LOC400499: variants seen among roughly 807,000 people sequenced by gnomAD.
At chr16:11,480,919 C>T in the LOC400499 span, among the ~76,000 whole-genome samples, 1 of 152,226 alleles carries the variant, frequency 6.6e-6, no homozygotes, top group Non-Finnish European at 1.5e-5. Context: ...AGGAGCAGCA[C>T]TATTCAGTCT....
At chr16:11,483,708 T>TAA in the LOC400499 span, among the ~76,000 whole-genome samples, 439 of 145,254 alleles carry the variant, frequency 3.0e-3, 5 homozygotes, top group African/African-American at 6.2e-3. Flanking sequence ...TGTACAACTT[T>TAA]TAAAAAAAAA....
chr16:11,450,196 C>A, the LOC400499 span, among the ~76,000 whole-genome samples: 1 of 152,250 alleles, frequency 6.6e-6, no homozygotes, highest in African/African-American at 2.4e-5. Context: ...GCTTTTCTCC[C>A]AAACCTGTTC....
chr16:11,502,366 C>T, the LOC400499 span, among the ~76,000 whole-genome samples: 1 of 152,190 alleles, frequency 6.6e-6, no homozygotes, highest in Non-Finnish European at 1.5e-5. Context: ...CACTGCACCC[C>T]AAGCCCCTAC....
At chr16:11,390,393 C>T in the LOC400499 span, 3 of 1,240,572 alleles carry the variant, frequency 2.4e-6, no homozygotes, top group Admixed American at 4.1e-5. Flanking sequence ...CCTCTGCTCG[C>T]TCCCGCCACA....
chr16:11,525,556 A>T, the LOC400499 span, among the ~76,000 whole-genome samples: 1 of 152,098 alleles, frequency 6.6e-6, no homozygotes, highest in African/African-American at 2.4e-5. Flanking sequence ...CTCTTTGATC[A>T]CTCGGACACT....
At chr16:11,424,708 T>C in the LOC400499 span, among the ~76,000 whole-genome samples, 14 of 152,086 alleles carry the variant, frequency 9.2e-5, no homozygotes, top group Admixed American at 7.9e-4. Flanking sequence ...CTGCTGCACC[T>C]GGGGGCCCCT....
the LOC400499 span, chr16:11,485,071 A>G: frequency 2.5e-6 from 1 of 398,850 alleles, no homozygotes; most frequent in African/African-American, 2.1e-5. Flanking sequence ...GCCGGAGCCC[A>G]AGCTGGGAAG....
the LOC400499 span, among the ~76,000 whole-genome samples, chr16:11,445,535 G>C: frequency 1.3e-5 from 2 of 152,174 alleles, no homozygotes; most frequent in African/African-American, 2.4e-5. Flanking sequence ...TAAAAGATGA[G>C]TAGAAGGGAG....
chr16:11,464,970 T>G, the LOC400499 span, among the ~76,000 whole-genome samples: 1 of 152,192 alleles, frequency 6.6e-6, no homozygotes, highest in Non-Finnish European at 1.5e-5. Context: ...GACATAGGTC[T>G]TCCCCCACCC....
the LOC400499 span, chr16:11,477,902 G>C: frequency 2.5e-6 from 1 of 399,052 alleles, no homozygotes; most frequent in African/African-American, 2.1e-5. Flanking sequence ...GCTGATGGCA[G>C]CCGAGGCATT....
the LOC400499 span, chr16:11,443,566 G>A: frequency 9.5e-6 from 3 of 316,354 alleles, no homozygotes; most frequent in South Asian, 2.5e-5. Flanking sequence ...TGAAAAATAC[G>A]ATGCTCTCCC....
chr16:11,460,521 G>T, the LOC400499 span: 1 of 1,534,404 alleles, frequency 6.5e-7, no homozygotes, highest in Non-Finnish European at 8.7e-7. Context: ...AGCTCGTGGC[G>T]CAGCTCCAGC....
At chr16:11,446,878 A>T in the LOC400499 span, 1 of 1,535,854 alleles carries the variant, frequency 6.5e-7, no homozygotes. Context: ...CTGCAGGAGG[A>T]GGCTCTGCGG....
chr16:11,385,889 C>T, the LOC400499 span, among the ~76,000 whole-genome samples: 25 of 152,260 alleles, frequency 1.6e-4, no homozygotes, highest in Admixed American at 9.8e-4. Context: ...ATTCACACAT[C>T]GGCCAGGCAC....
chr16:11,390,031 G>C, the LOC400499 span: 1 of 966,480 alleles, frequency 1.0e-6, no homozygotes, highest in Non-Finnish European at 1.3e-6. Context: ...GTGTCGGAAG[G>C]TGTCAAAGCA....
chr16:11,374,198 G>C, the LOC400499 span, among the ~76,000 whole-genome samples: 4 of 152,126 alleles, frequency 2.6e-5, no homozygotes, highest in African/African-American at 9.7e-5. Flanking sequence ...GCCTGTCTGT[G>C]CTAGCTTTTA....
chr16:11,470,676 A>T, the LOC400499 span: 1 of 152,282 alleles, frequency 6.6e-6, no homozygotes, highest in Admixed American at 6.5e-5. Flanking sequence ...GACCGCGTGG[A>T]GCCTACGTCC....
chr16:11,401,104 C>G, the LOC400499 span, among the ~76,000 whole-genome samples: 1 of 152,236 alleles, frequency 6.6e-6, no homozygotes, highest in African/African-American at 2.4e-5. Context: ...AATGAAGGAT[C>G]CCAGAGATCC....
At chr16:11,456,351 G>A in the LOC400499 span, among the ~76,000 whole-genome samples, 1 of 151,416 alleles carries the variant, frequency 6.6e-6, no homozygotes, top group African/African-American at 2.4e-5. Context: ...CCCAGCCGGT[G>A]GATTCATTTT....
Sources: gnomAD v4.1 joint callset for allele counts (sites outside exome capture counted in the v4.1 genomes callset) on GRCh38, gnomAD v4.1.1 for gene constraint, MANE v1.5 for transcripts.